Variants in CUBN observed in about 807,000 individuals in gnomAD.
The protein encoded by CUBN is 460 kDa receptor.
A neutral mutation model predicts 405.3 loss-of-function variants in CUBN; 282 were observed. That is an observed-to-expected ratio of 0.70 (90% CI 0.63 to 0.77). The LOEUF is 0.77. Among genes scored for constraint, CUBN ranks in the 30% least tolerant of loss-of-function variants. The pLI is 0.00. For missense variants in CUBN, 4,514 were observed against 4,475.2 expected (o/e 1.01, Z -0.25); for synonymous variants, 1,684 against 1,617.0 (o/e 1.04, Z -0.99).
intron 40 of CUBN, among the ~76,000 whole-genome samples, chr10:16,932,808 C>T (rs745671087): frequency 7.2e-5 from 11 of 152,118 alleles, no homozygotes; most frequent in Non-Finnish European, 1.2e-4. Context: ...GACAGGTGAA[C>T]AATGTTGACA....
At chr10:16,963,106 A>T (rs963511403) in intron 31 of CUBN, among the ~76,000 whole-genome samples, 1 of 151,914 alleles carries the variant, frequency 6.6e-6, no homozygotes, top group Non-Finnish European at 1.5e-5. Context: ...TTTTGTGGAA[A>T]CTGATTACAA....
chr10:17,033,364 G>A (rs780174426), intron 27 of CUBN, among the ~76,000 whole-genome samples: 11 of 152,130 alleles, frequency 7.2e-5, no homozygotes, highest in Non-Finnish European at 1.3e-4. Flanking sequence ...AGCACTTAAC[G>A]CTGCCTGTGG....
chr10:16,924,124 T>G (rs999455622), intron 43 of CUBN, among the ~76,000 whole-genome samples: 1 of 152,146 alleles, frequency 6.6e-6, no homozygotes, highest in African/African-American at 2.4e-5. Flanking sequence ...AGTAGAGTTA[T>G]GTAGGATGGG....
At chr10:16,869,164 A>ATTTTTTTTTTT (rs72310717) in intron 59 of CUBN, among the ~76,000 whole-genome samples, 4 of 121,168 alleles carry the variant, frequency 3.3e-5, no homozygotes, top group African/African-American at 3.1e-5. Context: ...TACCAAAGTG[A>ATTTTTTTTTTT]TTTTTTTTTT....
In CUBN at chr10:17,045,829, C is replaced by T. The variant is rs569984046; in HGVS notation, c.3490+105G>A. On this transcript the variant is annotated intron_variant, in intron 24 of 66. Transcript: ENST00000377833. ...TATTTGCAATATTGAAGTTTAAATA[C>T]AGCTGGGCAAACATGGACAAGTGAG... 2.4e-4 allele frequency: 277 copies of T among 1,174,444 alleles called. 2 individuals are homozygous for T. The highest frequency in any genetic ancestry group is 7.6e-4 in the Middle Eastern group (4 of 5,280). 72.8% of individuals were successfully genotyped at this position (1,174,444 alleles called of 1,614,324 possible).
chr10:16,930,319 C>T (rs965618408), intron 40 of CUBN, among the ~76,000 whole-genome samples: 3 of 152,286 alleles, frequency 2.0e-5, no homozygotes, highest in Non-Finnish European at 1.5e-5. Context: ...TTCACAGTGA[C>T]ACTATTAGGT....
At chr10:17,110,352 C>T (rs1018263600) in intron 9 of CUBN, among the ~76,000 whole-genome samples, 11 of 152,266 alleles carry the variant, frequency 7.2e-5, no homozygotes, top group African/African-American at 2.6e-4. Flanking sequence ...ACTCAGAAAA[C>T]TTTTCAAATT....
intron 13 of CUBN, 30 bp downstream of exon 13, chr10:17,103,095 A>G (rs376809822): frequency 6.1e-6 from 7 of 1,144,104 alleles, no homozygotes; most frequent in Non-Finnish European, 8.0e-6. Context: ...CAAATATAAT[A>G]TGCATTTGGG....
intron 31 of CUBN, among the ~76,000 whole-genome samples, chr10:16,974,380 C>T (rs942749956): frequency 2.0e-5 from 3 of 151,926 alleles, no homozygotes; most frequent in Non-Finnish European, 4.4e-5. Context: ...GTATTTGCTT[C>T]TAATGTCTCT....
intron 21 of CUBN, among the ~76,000 whole-genome samples, chr10:17,067,378 C>T (rs1465921636): frequency 6.6e-6 from 1 of 152,016 alleles, no homozygotes; most frequent in Non-Finnish European, 1.5e-5. Flanking sequence ...GAAAAATACA[C>T]TTGGTAAAGT....
In CUBN at chr10:16,828,888, G is replaced by T; in HGVS notation, c.10681C>A (p.Pro3561Thr). 1.2e-6 allele frequency: 2 copies of T among 1,614,144 alleles called. No homozygotes were observed. Among genetic ancestry groups the T allele is most frequent in the Non-Finnish European group, 1.7e-6 (2 of 1,180,008 alleles). The change falls in exon 66 of 67, where the codon CCA becomes ACA. Residue 3561 changes from proline to threonine, a missense_variant. By Grantham distance (38) the Pro-to-Thr change is conservative. Transcript: ENST00000377833. ...INFYFISIDD[P>T]GDCVQNYLTL... is the part of the protein sequence containing the mutation. ...AGATAGTTCTGGACACAGTCTCCTG[G>T]ATCGTCAATGCTGATGAAGTAGAAG...
intron 27 of CUBN, among the ~76,000 whole-genome samples, chr10:17,031,540 A>T (rs1345838816): frequency 6.6e-6 from 1 of 152,240 alleles, no homozygotes; most frequent in East Asian, 1.9e-4. Context: ...ACTCTGAAGC[A>T]GGTACAGAGA....
intron 27 of CUBN, among the ~76,000 whole-genome samples, chr10:17,024,866 T>C (rs1220180381): frequency 6.6e-6 from 1 of 152,218 alleles, no homozygotes; most frequent in East Asian, 1.9e-4. Context: ...CTGTTTTAGA[T>C]TGACATCTAA....
At chr10:17,106,898 G>C (rs891202279) in intron 10 of CUBN, among the ~76,000 whole-genome samples, 1 of 152,148 alleles carries the variant, frequency 6.6e-6, no homozygotes, top group Non-Finnish European at 1.5e-5. Context: ...AAAGACGTTT[G>C]CAATAAAACC....
At chr10:16,976,906 T>C (rs992691812) in intron 31 of CUBN, among the ~76,000 whole-genome samples, 1 of 152,200 alleles carries the variant, frequency 6.6e-6, no homozygotes, top group African/African-American at 2.4e-5. Context: ...CTCAAATTTG[T>C]AGTTGGGTCT....
intron 54 of CUBN, among the ~76,000 whole-genome samples, chr10:16,891,886 CAA>C (rs1841022089): frequency 6.6e-6 from 1 of 151,994 alleles, no homozygotes. Context: ...TATTGCTACA[CAA>C]TCTGCAATAC....
chr10:16,986,564 G>A (rs1370208840), intron 29 of CUBN, among the ~76,000 whole-genome samples: 1 of 152,140 alleles, frequency 6.6e-6, no homozygotes, highest in African/African-American at 2.4e-5. Context: ...GAAGCATACC[G>A]ACTGCTTCAG....
chr10:16,951,563 C>A (rs1427544093), intron 33 of CUBN, among the ~76,000 whole-genome samples: 1 of 152,184 alleles, frequency 6.6e-6, no homozygotes, highest in Non-Finnish European at 1.5e-5. Flanking sequence ...AGGGCCCCAG[C>A]ATCACCCGCT....
chr10:17,090,126 T>A (rs141456010), intron 14 of CUBN, among the ~76,000 whole-genome samples: 13 of 152,056 alleles, frequency 8.5e-5, no homozygotes, highest in Middle Eastern at 3.4e-3. Context: ...GCCAAAGGAC[T>A]GGAAACAAGC....
Sources: allele counts gnomAD v4.1 joint callset (sites outside exome capture counted in the v4.1 genomes callset), GRCh38; gene constraint gnomAD v4.1.1; transcripts MANE v1.5; gene names NCBI Gene and HGNC (gene_info 2026-07-23, HGNC 2026-07-21).